TMEM178B: variants seen among roughly 807,000 people sequenced by gnomAD.
The protein encoded by TMEM178B is transmembrane protein 178B.
Under a neutral mutation model 31.0 loss-of-function variants are expected in TMEM178B, and 5 were observed. The ratio of observed to expected loss-of-function variants is 0.16; its 90% CI spans 0.08 to 0.34. TMEM178B has a LOEUF of 0.34. TMEM178B is among the 10% of genes least tolerant of loss of function. TMEM178B has a pLI of 1.00. For synonymous variants in TMEM178B, 164 were observed against 164.0 expected (o/e 1.00, Z 0.00); for missense variants, 275 against 400.3 (o/e 0.69, Z 2.67).
intron 1 of TMEM178B, among the ~76,000 whole-genome samples, chr7:141,193,601 G>C (rs988807750): frequency 6.6e-6 from 1 of 152,224 alleles, no homozygotes. Context: ...ACAGTGTGCA[G>C]GGAGGCCTAG....
chr7:141,272,580 C>T (rs888617490), intron 2 of TMEM178B, among the ~76,000 whole-genome samples: 1 of 152,216 alleles, frequency 6.6e-6, no homozygotes, highest in African/African-American at 2.4e-5. Flanking sequence ...GGTCATTCCA[C>T]CAGAGGTCCT....
intron 1 of TMEM178B, among the ~76,000 whole-genome samples, chr7:141,166,205 T>C (rs539681411): frequency 6.6e-6 from 1 of 152,286 alleles, no homozygotes; most frequent in African/African-American, 2.4e-5. Context: ...AAGTTCCCCT[T>C]GTGCAGGATC....
intron 1 of TMEM178B, among the ~76,000 whole-genome samples, chr7:141,149,296 C>A (rs1795915071): frequency 6.6e-6 from 1 of 152,140 alleles, no homozygotes; most frequent in South Asian, 2.1e-4. Context: ...GTGGCTCAGG[C>A]CTGTAATCTT....
At chr7:141,504,009 T>C in the TMEM178B span, among the ~76,000 whole-genome samples, 1 of 152,218 alleles carries the variant, frequency 6.6e-6, no homozygotes, top group Non-Finnish European at 1.5e-5. Flanking sequence ...AGAAATTTAA[T>C]AGAGAAAAAT....
intron 2 of TMEM178B, among the ~76,000 whole-genome samples, chr7:141,304,504 A>G (rs1185109810): frequency 6.6e-6 from 1 of 151,586 alleles, no homozygotes; most frequent in African/African-American, 2.4e-5. Flanking sequence ...TCTCTTGCAC[A>G]CTCTCGTCTC....
At position 141,463,097 on chromosome 7, in the gene TMEM178B, T is replaced by C. The variant is rs536405984; in HGVS notation, c.635-7439T>C. 4.6e-5 allele frequency among the ~76,000 whole-genome samples: 7 copies of C among 152,342 alleles called. No homozygotes were observed. In the South Asian group the frequency reaches 8.3e-4, roughly 18 times the overall value. ...AACAGCACAGCTCTCAGCCTGCAGC[T>C]ACTTGGGGTGGTGCCATCCCTTCTT... On this transcript the variant is annotated intron_variant, in intron 3 of 3. Transcript: ENST00000565468.
chr7:141,185,468 G>A (rs1275182155), intron 1 of TMEM178B, among the ~76,000 whole-genome samples: 7 of 152,186 alleles, frequency 4.6e-5, no homozygotes, highest in African/African-American at 2.4e-5. Flanking sequence ...ACTCCATGTC[G>A]TTCAGCAGGT....
the TMEM178B span, among the ~76,000 whole-genome samples, chr7:141,504,751 G>T: frequency 6.6e-6 from 1 of 152,204 alleles, no homozygotes; most frequent in Non-Finnish European, 1.5e-5. Flanking sequence ...TGGATGAATT[G>T]TATAGTGGTG....
At chr7:141,308,377 A>T (rs191194165) in intron 2 of TMEM178B, among the ~76,000 whole-genome samples, 9 of 152,264 alleles carry the variant, frequency 5.9e-5, no homozygotes, top group Non-Finnish European at 1.0e-4. Context: ...GTTTCAAAAA[A>T]TTTTTTAAAA....
At chr7:141,269,858 G>T (rs1798154071) in intron 2 of TMEM178B, among the ~76,000 whole-genome samples, 1 of 151,982 alleles carries the variant, frequency 6.6e-6, no homozygotes, top group Non-Finnish European at 1.5e-5. Flanking sequence ...CGAGGCCAGG[G>T]GTTCAAGACC....
intron 2 of TMEM178B, among the ~76,000 whole-genome samples, chr7:141,264,475 A>G (rs4140983): frequency 0.44 from 66,609 of 152,016 alleles, 14,839 homozygotes; most frequent in East Asian, 0.67. Flanking sequence ...TGGAAATGGA[A>G]GTGAGAGAAC....
intron 2 of TMEM178B, among the ~76,000 whole-genome samples, chr7:141,342,359 A>G (rs1799529554): frequency 6.6e-6 from 1 of 152,236 alleles, no homozygotes; most frequent in Non-Finnish European, 1.5e-5. Context: ...AGTATTTCTC[A>G]AACTGGATCA....
chr7:141,179,178 A>G (rs550808710), intron 1 of TMEM178B, among the ~76,000 whole-genome samples: 4 of 152,366 alleles, frequency 2.6e-5, no homozygotes, highest in Non-Finnish European at 5.9e-5. Flanking sequence ...TGTACTTGCT[A>G]GAACTTGCAT....
chr7:141,294,740 A>G (rs560299505), intron 2 of TMEM178B, among the ~76,000 whole-genome samples: 1 of 152,298 alleles, frequency 6.6e-6, no homozygotes, highest in Admixed American at 6.5e-5. Context: ...TTGAGAGAAT[A>G]TAGAGAAGAG....
chr7:141,275,820 T>C (rs892997726), intron 2 of TMEM178B, among the ~76,000 whole-genome samples: 4 of 152,218 alleles, frequency 2.6e-5, no homozygotes, highest in African/African-American at 7.2e-5. Flanking sequence ...AATGACAGAC[T>C]GTTTCTCAAG....
At chr7:141,325,044 A>C (rs1386948578) in intron 2 of TMEM178B, among the ~76,000 whole-genome samples, 2 of 152,106 alleles carry the variant, frequency 1.3e-5, no homozygotes, top group Non-Finnish European at 2.9e-5. Context: ...AGCAAAAAAA[A>C]TCCTGCCTCC....
chr7:141,163,265 C>T (rs1263412781), intron 1 of TMEM178B, among the ~76,000 whole-genome samples: 1 of 152,172 alleles, frequency 6.6e-6, no homozygotes, highest in East Asian at 1.9e-4. Flanking sequence ...ATGGTGGAAG[C>T]CGCACAAGTA....
chr7:141,385,454 A>T (rs966759524), intron 2 of TMEM178B, among the ~76,000 whole-genome samples: 1 of 152,216 alleles, frequency 6.6e-6, no homozygotes, highest in African/African-American at 2.4e-5. Flanking sequence ...CTTTTTAAAT[A>T]AAAATGTACA....
intron 1 of TMEM178B, among the ~76,000 whole-genome samples, chr7:141,207,202 G>T (rs546465222): frequency 6.6e-6 from 1 of 152,320 alleles, no homozygotes; most frequent in South Asian, 2.1e-4. Context: ...TTCATCTGCT[G>T]ATGGACATTT....
Sources: gnomAD v4.1 joint callset for allele counts (sites outside exome capture counted in the v4.1 genomes callset) on GRCh38, gnomAD v4.1.1 for gene constraint, MANE v1.5 for transcripts, NCBI Gene and HGNC (gene_info 2026-07-23, HGNC 2026-07-21) for gene names.